Variants in NPR3 observed in about 807,000 individuals in gnomAD.
NPR3 encodes atrial natriuretic peptide receptor 3.
A neutral mutation model predicts 54.5 loss-of-function variants in NPR3; 34 were observed. The ratio of observed to expected loss-of-function variants is 0.62; its 90% CI spans 0.47 to 0.83. NPR3 has a LOEUF of 0.83. Ranked by LOEUF, NPR3 falls within the 40% of genes least tolerant of loss-of-function variation. The pLI is 0.00. For synonymous variants in NPR3, 289 were observed against 297.1 expected, an observed-to-expected ratio of 0.97 and a Z score of 0.28; for missense variants, 674 against 720.8, an observed-to-expected ratio of 0.94 and a Z score of 0.74.
chr5:32,764,788 CAAAAAAA>C (rs568944478), intron 3 of NPR3, among the ~76,000 whole-genome samples: 17 of 36,500 alleles, frequency 4.7e-4, no homozygotes, highest in Admixed American at 2.4e-3. Flanking sequence ...GGGTCCATCT[CAAAAAAA>C]AAAAAAAAAA....
At chr5:32,782,861 G>T in intron 5 of NPR3, 32 bp from the exon 6 acceptor site, 1 of 1,569,364 alleles carries the variant, frequency 6.4e-7, no homozygotes. Context: ...TTGACTTTTT[G>T]GTTTGTCTAT....
In NPR3 at chr5:32,711,761, T is replaced by C; in HGVS notation, c.-16T>C. On this transcript the variant is annotated 5_prime_UTR_variant, in exon 1 of 8. Coordinates refer to ENST00000265074, the MANE Select transcript of NPR3 (RefSeq NM_001204375.2). ...CGAGTCGGCGGCGGCGAGGGCAAGC[T>C]CTTTCTTGCGGCACGATGCCGTCTC... 1 of 1,414,576 alleles carries C rather than the reference T, an allele frequency of 7.1e-7. No homozygotes were observed. The highest frequency in any genetic ancestry group is 9.2e-7 in the Non-Finnish European group (1 of 1,084,420). The allele number at this position is 1,414,576 out of a possible 1,614,324, so 87.6% of individuals were successfully genotyped here.
rs550093075 is a variant in NPR3 at position 32,703,985 on chromosome 5, A to G, written c.100+14799A>G. Among the ~76,000 whole-genome samples, 7 of 152,256 alleles carry G rather than the reference A, an allele frequency of 4.6e-5. No homozygotes were observed. The East Asian group carries it at 1.4e-3, about 29-fold the overall frequency. ...GTCTTTCAAGTTTATTTAGAACCCAAAGCACTTTAGCCCACTGTGGCAAGG... is the reference window on the plus strand; with the variant it reads ...GTCTTTCAAGTTTATTTAGAACCCAGAGCACTTTAGCCCACTGTGGCAAGG... On this transcript the variant is annotated intron_variant, in intron 1 of 5. Coordinates refer to the NPR3 transcript ENST00000509104.
intron 1 of NPR3, among the ~76,000 whole-genome samples, chr5:32,714,453 A>G (rs1477989870): frequency 6.6e-6 from 1 of 151,070 alleles, no homozygotes; most frequent in Non-Finnish European, 1.5e-5. Flanking sequence ...AGTCGGCTGT[A>G]AGAATTATTT....
intron 3 of NPR3, among the ~76,000 whole-genome samples, chr5:32,745,865 T>C (rs958993056): frequency 3.3e-5 from 5 of 152,224 alleles, no homozygotes; most frequent in African/African-American, 1.2e-4. Context: ...ATGCTGTTTA[T>C]TGAGTGCTCC....
At chr5:32,734,695 T>C (rs1281238146) in intron 2 of NPR3, among the ~76,000 whole-genome samples, 1 of 152,262 alleles carries the variant, frequency 6.6e-6, no homozygotes, top group Non-Finnish European at 1.5e-5. Flanking sequence ...ATGATGGCTA[T>C]GTTCTAGTCT....
At chr5:32,704,370 T>TGTG (rs1737930294) in intron 1 of NPR3, among the ~76,000 whole-genome samples, 1 of 146,786 alleles carries the variant, frequency 6.8e-6, no homozygotes, top group African/African-American at 2.5e-5. Context: ...TTTTGGCTCT[T>TGTG]TGTGTGTGTG....
At chr5:32,724,473 T>C (rs1394998954) in intron 1 of NPR3, among the ~76,000 whole-genome samples, 1 of 152,196 alleles carries the variant, frequency 6.6e-6, no homozygotes, top group Admixed American at 6.5e-5. Context: ...AGGTGTCTCA[T>C]GAGTCTGTGT....
intron 4 of NPR3, among the ~76,000 whole-genome samples, chr5:32,778,842 T>C (rs890511127): frequency 1.3e-5 from 2 of 152,210 alleles, no homozygotes; most frequent in African/African-American, 4.8e-5. Context: ...TAAAATACTC[T>C]GCAAAATGCT....
chr5:32,701,812 A>G (rs1043759234), intron 1 of NPR3, among the ~76,000 whole-genome samples: 2 of 152,222 alleles, frequency 1.3e-5, no homozygotes, highest in Non-Finnish European at 2.9e-5. Context: ...ATGAGACACG[A>G]AAGAGTACTC....
intron 4 of NPR3, 27 bp downstream of exon 4, chr5:32,774,870 A>T (rs751388930): frequency 1.3e-6 from 2 of 1,574,130 alleles, no homozygotes; most frequent in Non-Finnish European, 1.7e-6. Flanking sequence ...TAAGGCAATT[A>T]CATGGGGCCA....
At chr5:32,753,552 T>C (rs1740682748) in intron 3 of NPR3, among the ~76,000 whole-genome samples, 1 of 150,376 alleles carries the variant, frequency 6.6e-6, no homozygotes, top group South Asian at 2.1e-4. Context: ...GGATAAAAGC[T>C]CAGAATTCCT....
chr5:32,788,639 CACTA>C lies in NPR3; in HGVS notation c.*2297_*2300del, dbSNP rs1487075984. 1 of 152,166 alleles carries C rather than the reference CACTA, an allele frequency of 6.6e-6. No individual in the cohort carries two copies. The highest frequency in any genetic ancestry group is 2.4e-5 in the African/African-American group (1 of 41,440). 9.4% of individuals were successfully genotyped at this position (152,166 alleles called of 1,614,324 possible). ...TAAAACTTCTATAGCAGCCCATTAA[CACTA>C]ACATTTTTAGAGCAAATATATTCTA... On this transcript the variant is annotated 3_prime_UTR_variant, in exon 8 of 8. Transcript: ENST00000265074.
intron 3 of NPR3, among the ~76,000 whole-genome samples, chr5:32,771,794 A>G (rs1428949943): frequency 6.6e-6 from 1 of 152,176 alleles, no homozygotes. Context: ...GACTGAGGAG[A>G]GCAATGAATG....
Position 32,711,851 on chromosome 5 carries a change from T to TGGCGGTGGCGTTGGCGGCGGC in NPR3, c.86_106dup (p.Val29_Gly35dup), listed in dbSNP as rs748840900. The TGGCGGTGGCGTTGGCGGCGGC allele has an allele frequency of 6.8e-6, 10 of 1,461,888 alleles. No individual in the cohort carries two copies. The South Asian group carries it at 8.8e-5, about 13-fold the overall frequency. The allele number at this position is 1,461,888 out of a possible 1,614,324, so 90.6% of individuals were successfully genotyped here. ...GGGCGTTGCTGGCCGGCGGCACCGG[T>TGGCGGTGGCGTTGGCGGCGGC]GGCGGTGGCGTTGGCGGCGGCGGCG... On this transcript the variant is annotated inframe_insertion, in exon 1 of 8. Transcript: ENST00000265074.
upstream of NPR3, among the ~76,000 whole-genome samples, chr5:32,708,834 G>T (rs1273873443): frequency 6.6e-6 from 1 of 151,628 alleles, no homozygotes; most frequent in Non-Finnish European, 1.5e-5. Flanking sequence ...ATTTGAAAAG[G>T]TTTTTTAAAA....
chr5:32,774,845 TG>T lies in NPR3; in HGVS notation c.1195+6del. The T allele has an allele frequency of 6.2e-7, 1 of 1,610,298 alleles. No homozygotes were observed. Among genetic ancestry groups the T allele is most frequent in the Non-Finnish European group, 8.5e-7 (1 of 1,176,628 alleles). On this transcript the variant is annotated splice_donor_region_variant and intron_variant, in intron 4 of 7. Transcript: ENST00000265074. ...AGACTTGGAACAGAACATTTGAAGG[TG>T]GGGATTCCATCTATAAGGCAATTAC...
At chr5:32,730,476 T>A (rs1353420402) in intron 2 of NPR3, among the ~76,000 whole-genome samples, 3 of 152,208 alleles carry the variant, frequency 2.0e-5, no homozygotes, top group Admixed American at 2.0e-4. Flanking sequence ...TCTAGCCAGA[T>A]AAACAGGGCA....
At chr5:32,783,080 G>A (rs1465894179) in intron 6 of NPR3, 52 bp downstream of exon 6, 2 of 1,525,078 alleles carry the variant, frequency 1.3e-6, no homozygotes, top group Non-Finnish European at 1.8e-6. Context: ...TAACCTCAGT[G>A]TAATGTAAGT....
Sources: gnomAD v4.1 joint callset for allele counts (sites outside exome capture counted in the v4.1 genomes callset) on GRCh38, gnomAD v4.1.1 for gene constraint, MANE v1.5 for transcripts, NCBI Gene and HGNC (gene_info 2026-07-23, HGNC 2026-07-21) for gene names.